Variants in CCT5 observed in about 807,000 individuals in gnomAD.
CCT5 encodes chaperonin containing TCP1 subunit 5.
Under a neutral mutation model 55.0 loss-of-function variants are expected in CCT5, and 6 were observed. The ratio of observed to expected loss-of-function variants is 0.11; its 90% CI spans 0.06 to 0.22. CCT5 has a LOEUF of 0.22. CCT5 is among the 10% of genes least tolerant of loss of function. CCT5 has a pLI of 1.00. For missense variants in CCT5, 560 were observed against 694.6 expected (o/e 0.81, Z 2.18); for synonymous variants, 231 against 243.7 (o/e 0.95, Z 0.49).
rs958616251 is a variant in CCT5 at position 10,263,255 on chromosome 5, G to A, written c.1439G>A (p.Arg480Lys). The change falls in exon 10 of 11, where the codon AGA (arginine) becomes AAA (lysine). Residue 480 changes from arginine to lysine, a missense_variant. Around this residue, in one of 4 missense-constraint regions of CCT5, gnomAD observed 115 missense variants for 105.0 expected, o/e 1.10. Transcript: ENST00000280326. ...PIQTMTEVRARQVKEMNPALG... is the reference protein window; with the variant it reads ...PIQTMTEVRAKQVKEMNPALG... Reference sequence around the variant, plus strand: ...CAGACTATGACCGAAGTCCGAGCCAGACAGGTGAAGGAGATGAACCCTGCT... The same window carrying A: ...CAGACTATGACCGAAGTCCGAGCCAAACAGGTGAAGGAGATGAACCCTGCT... 38 of 1,613,970 alleles carry A rather than the reference G, an allele frequency of 2.4e-5. No homozygotes were observed. The highest frequency in any genetic ancestry group is 3.1e-5 in the Non-Finnish European group (37 of 1,180,044).
At chr5:10,254,418 ACAT>A (rs1003333706) in intron 2 of CCT5, 2 of 603,102 alleles carry the variant, frequency 3.3e-6, no homozygotes, top group South Asian at 2.1e-5. Flanking sequence ...TTAGCATGTA[ACAT>A]CATTTCATTA....
intron 1 of CCT5, 50 bp downstream of exon 1, chr5:10,250,495 G>A (rs760443918): frequency 6.2e-7 from 1 of 1,606,032 alleles, no homozygotes; most frequent in South Asian, 1.1e-5. Flanking sequence ...GGTGGCCGAG[G>A]CCGTGGCTCT....
At position 10,250,293 on chromosome 5, in the gene CCT5, C is replaced by T. The variant is rs574425461; in HGVS notation, c.-48C>T. ...AGAAAGGGAAGTGCATTCTCGCTTC[C>T]GTAGCGGTCTCCGCCGGTTGGGGGG... On this transcript the variant is annotated 5_prime_UTR_variant, in exon 1 of 11. Coordinates refer to ENST00000280326, the MANE Select transcript of CCT5 (RefSeq NM_012073.5). 86 of 1,613,208 alleles carry T rather than the reference C, an allele frequency of 5.3e-5. 1 individual carries two copies. The East Asian group carries it at 1.2e-3, about 23-fold the overall frequency.
rs1746007519 is a variant in CCT5 at position 10,262,357 on chromosome 5, C to T, written c.1180-124C>T. 4.9e-6 allele frequency: 5 copies of T among 1,020,508 alleles called. No individual in the cohort carries two copies. The South Asian group carries it at 5.3e-5, about 11-fold the overall frequency. 63.2% of individuals were successfully genotyped at this position (1,020,508 alleles called of 1,614,324 possible). ...GGAAAGCTAGAAAGATAAATATTAT[C>T]CGATAGTGGAGGCCATCTAAATATT... is the stretch of plus-strand genomic sequence containing the variant. On this transcript the variant is annotated intron_variant, in intron 8 of 10. Coordinates refer to ENST00000280326, the MANE Select transcript of CCT5 (RefSeq NM_012073.5).
rs1422182381 is a variant in CCT5, at chr5:10,254,467, CATT to C, written c.167-204_167-202del. On this transcript the variant is annotated intron_variant, in intron 2 of 10. Coordinates refer to ENST00000280326, the MANE Select transcript of CCT5 (RefSeq NM_012073.5). ...AATCATAGTTGTCTTTTGAGATTAA[CATT>C]ATACTTAATGATGCTCCATAATGTT... 9 of 583,638 alleles carry C rather than the reference CATT, an allele frequency of 1.5e-5. No individual in the cohort carries two copies. In the Admixed American group the frequency reaches 2.3e-4, roughly 15 times the overall value. The allele number at this position is 583,638 out of a possible 1,614,324, so 36.2% of individuals were successfully genotyped here. A position where few individuals can be genotyped will look rare whatever the true frequency, so the allele number is the denominator to read the frequency against.
intron 1 of CCT5, among the ~76,000 whole-genome samples, chr5:10,251,107 G>T (rs1006907684): frequency 6.6e-6 from 1 of 152,236 alleles, no homozygotes; most frequent in Non-Finnish European, 1.5e-5. Flanking sequence ...GGAAACGGTA[G>T]AAGTAAAGGC....
Position 10,254,747 on chromosome 5 carries a change from G to A in CCT5, c.240G>A (p.Met80Ile), listed in dbSNP as rs1745592035. The part of the protein sequence containing the change: ...VTNDGATILS[M>I]MDVDHQIAKL... ...ATGATGGGGCCACCATCTTAAGCAT[G>A]ATGGATGTTGATCATCAGATTGCCA... Residue 80 changes from methionine (M) to isoleucine (I), a missense_variant, in exon 3 of 11, where the codon ATG becomes ATA. Around this residue, in one of 4 missense-constraint regions of CCT5, gnomAD observed 137 missense variants for 181.9 expected, o/e 0.75. Transcript: ENST00000280326. The A allele has an allele frequency of 4.3e-6, 7 of 1,613,418 alleles. No individual in the cohort carries two copies. The East Asian group carries it at 1.6e-4, about 36-fold the overall frequency.
chr5:10,264,323 G>T (rs1746121899), intron 10 of CCT5, among the ~76,000 whole-genome samples: 1 of 152,114 alleles, frequency 6.6e-6, no homozygotes. Flanking sequence ...TTTCAGCTGT[G>T]GTCAGATGGA....
intron 3 of CCT5, 65 bp downstream of exon 3, chr5:10,254,903 G>A: frequency 2.9e-6 from 4 of 1,374,206 alleles, no homozygotes; most frequent in Non-Finnish European, 4.2e-6. Flanking sequence ...GGGCTAACAT[G>A]CCTGCTGAGA....
rs536863091 is a variant in CCT5, at chr5:10,250,722, A to C, written c.105+277A>C. 16 of 1,277,808 alleles carry C rather than the reference A, an allele frequency of 1.3e-5. No homozygotes were observed. In the African/African-American group the frequency reaches 1.4e-4, roughly 11 times the overall value. 79.2% of individuals were successfully genotyped at this position (1,277,808 alleles called of 1,614,324 possible). A position where few individuals can be genotyped will look rare whatever the true frequency, so the allele number is the denominator to read the frequency against. On this transcript the variant is annotated intron_variant, in intron 1 of 10. Coordinates refer to ENST00000280326, the MANE Select transcript of CCT5 (RefSeq NM_012073.5). ...CTCAGTCCGGTCGCCCGCGGGAGCA[A>C]AGCGGGACCGCCTCCCCGCCCGGCT... is the stretch of plus-strand genomic sequence containing the variant.
At chr5:10,253,597 T>G (rs574328477) in intron 1 of CCT5, among the ~76,000 whole-genome samples, 10 of 152,168 alleles carry the variant, frequency 6.6e-5, no homozygotes, top group Non-Finnish European at 8.8e-5. Context: ...CAGTAAGGTG[T>G]TGTATGTTTA....
At chr5:10,250,036 A>G (rs1745283528), upstream of CCT5, 3 of 1,542,906 alleles carry the variant, frequency 1.9e-6, no homozygotes. Flanking sequence ...CTATCGAGAA[A>G]CTATCAGTGG....
At chr5:10,264,266 C>CAA (rs11374801) in intron 10 of CCT5, among the ~76,000 whole-genome samples, 40,657 of 151,008 alleles carry the variant, frequency 0.27, 6,620 homozygotes, top group East Asian at 0.81. Context: ...CACCTGTCTC[C>CAA]AAAAAAAAAA....
chr5:10,261,793 G>T, intron 8 of CCT5, 48 bp downstream of exon 8: 1 of 1,529,068 alleles, frequency 6.5e-7, no homozygotes, highest in Non-Finnish European at 9.1e-7. Flanking sequence ...TTTGCTTCAT[G>T]GTCTGGCTTT....
intron 7 of CCT5, chr5:10,261,223 C>T (rs929949564): frequency 2.4e-5 from 12 of 491,834 alleles, no homozygotes; most frequent in Admixed American, 6.6e-5. Context: ...AACGGTGCCT[C>T]GGTGGTTCTC....
chr5:10,249,928 AAAAAAACC>A (rs1745270813), upstream of CCT5: 200 of 882,780 alleles, frequency 2.3e-4, 1 homozygote, highest in East Asian at 9.8e-4. Context: ...AAAAAAAAAA[AAAAAAACC>A]GGAAATGGGT....
chr5:10,251,132 G>A (rs370533249), intron 1 of CCT5, among the ~76,000 whole-genome samples: 1 of 152,204 alleles, frequency 6.6e-6, no homozygotes, highest in South Asian at 2.1e-4. Flanking sequence ...GCAAGAATGC[G>A]CATGGCACGT....
chr5:10,259,450 C>G (rs944006522), intron 6 of CCT5, among the ~76,000 whole-genome samples: 12 of 152,278 alleles, frequency 7.9e-5, no homozygotes, highest in African/African-American at 2.2e-4. Flanking sequence ...CTACGACATA[C>G]CAGGCTCTGT....
intron 1 of CCT5, 71 bp from the exon 2 acceptor site, chr5:10,254,074 T>C (rs1745557611): frequency 9.1e-6 from 9 of 983,722 alleles, no homozygotes; most frequent in Non-Finnish European, 1.5e-5. Context: ...ATTTTTGTAG[T>C]CATCAGATGT....
Sources: gnomAD v4.1 joint callset for allele counts (sites outside exome capture counted in the v4.1 genomes callset) on GRCh38, gnomAD v4.1.1 for gene constraint, gnomAD v4.1.1 regional missense constraint, MANE v1.5 for transcripts, NCBI Gene and HGNC (gene_info 2026-07-23, HGNC 2026-07-21) for gene names.